Variants in ABTB3 observed in about 807,000 individuals in gnomAD.
ABTB3 encodes the protein ankyrin repeat- and BTB/POZ domain-containing protein 3.
chr12:107,432,091 C>T, the ABTB3 span, among the ~76,000 whole-genome samples: 3 of 152,328 alleles, frequency 2.0e-5, no homozygotes, highest in East Asian at 5.8e-4. Context: ...AGCCCACAGC[C>T]ACAGGGCCAT....
At chr12:107,443,324 T>C in the ABTB3 span, among the ~76,000 whole-genome samples, 1 of 151,958 alleles carries the variant, frequency 6.6e-6, no homozygotes. Flanking sequence ...TCCCAGCACT[T>C]TGGGGCGGTC....
the ABTB3 span, among the ~76,000 whole-genome samples, chr12:107,593,202 GA>G: frequency 6.6e-6 from 1 of 152,130 alleles, no homozygotes; most frequent in Non-Finnish European, 1.5e-5. Flanking sequence ...AGTTGTGTGG[GA>G]AAACAGCCCC....
At chr12:107,570,317 C>T in the ABTB3 span, among the ~76,000 whole-genome samples, 4 of 152,266 alleles carry the variant, frequency 2.6e-5, no homozygotes, top group Admixed American at 6.5e-5. Context: ...CGGGTTCAAG[C>T]GATTCTCGTG....
chr12:107,468,807 TA>T, the ABTB3 span, among the ~76,000 whole-genome samples: 1 of 152,108 alleles, frequency 6.6e-6, no homozygotes, highest in African/African-American at 2.4e-5. Flanking sequence ...GAGCAGGATA[TA>T]GGGGCAGAAA....
chr12:107,460,603 G>A, the ABTB3 span, among the ~76,000 whole-genome samples: 115 of 152,034 alleles, frequency 7.6e-4, no homozygotes, highest in Non-Finnish European at 1.0e-3. Flanking sequence ...AAGTGGCAGT[G>A]AGCCGAGATC....
chr12:107,319,410 G>A, the ABTB3 span: 1 of 1,603,554 alleles, frequency 6.2e-7, no homozygotes. Flanking sequence ...TTCGCCAAGT[G>A]CACCAAGTAC....
At chr12:107,485,321 G>A in the ABTB3 span, among the ~76,000 whole-genome samples, 2 of 152,228 alleles carry the variant, frequency 1.3e-5, no homozygotes, top group East Asian at 3.9e-4. Context: ...CCTGAGCTAA[G>A]AAAAGAGAAC....
the ABTB3 span, among the ~76,000 whole-genome samples, chr12:107,516,552 T>C: frequency 6.6e-6 from 1 of 152,294 alleles, no homozygotes; most frequent in Non-Finnish European, 1.5e-5. Context: ...TTATTCATTA[T>C]TTATTTATCC....
chr12:107,443,152 C>T, the ABTB3 span, among the ~76,000 whole-genome samples: 17 of 152,188 alleles, frequency 1.1e-4, no homozygotes, highest in Admixed American at 2.6e-4. Flanking sequence ...TTGGGGAGGA[C>T]ATGACATTTA....
the ABTB3 span, among the ~76,000 whole-genome samples, chr12:107,545,077 C>G: frequency 6.6e-6 from 1 of 152,162 alleles, no homozygotes; most frequent in East Asian, 1.9e-4. Flanking sequence ...CTTTCTGTTA[C>G]TTGGTGCCAA....
the ABTB3 span, among the ~76,000 whole-genome samples, chr12:107,536,379 A>G: frequency 1.3e-5 from 2 of 152,204 alleles, no homozygotes; most frequent in African/African-American, 4.8e-5. Context: ...AAAACCAAAA[A>G]TAGATAAATG....
the ABTB3 span, among the ~76,000 whole-genome samples, chr12:107,470,448 T>A: frequency 2.0e-5 from 3 of 152,074 alleles, no homozygotes; most frequent in African/African-American, 4.8e-5. Flanking sequence ...CCAGGGAACA[T>A]TGAGAGCCTA....
chr12:107,323,593 A>T, the ABTB3 span, among the ~76,000 whole-genome samples: 1 of 152,220 alleles, frequency 6.6e-6, no homozygotes, highest in Non-Finnish European at 1.5e-5. Context: ...AGTTTTAAAA[A>T]TTTGACTTGA....
the ABTB3 span, among the ~76,000 whole-genome samples, chr12:107,329,474 T>C: frequency 6.6e-6 from 1 of 152,236 alleles, no homozygotes; most frequent in African/African-American, 2.4e-5. Flanking sequence ...TCAATATCTG[T>C]TAATAATCAT....
the ABTB3 span, among the ~76,000 whole-genome samples, chr12:107,400,259 G>A: frequency 1.3e-5 from 2 of 152,012 alleles, no homozygotes; most frequent in South Asian, 2.1e-4. Flanking sequence ...TAACTTACTC[G>A]ATGATATGTA....
chr12:107,505,270 G>A, the ABTB3 span, among the ~76,000 whole-genome samples: 4 of 151,958 alleles, frequency 2.6e-5, no homozygotes, highest in Admixed American at 6.6e-5. Flanking sequence ...TAAAAAAATA[G>A]CCTCGAAATA....
At chr12:107,556,467 C>T in the ABTB3 span, among the ~76,000 whole-genome samples, 2 of 152,156 alleles carry the variant, frequency 1.3e-5, no homozygotes, top group African/African-American at 4.8e-5. Context: ...ATATAGCTAT[C>T]ACCAGGCAGA....
the ABTB3 span, among the ~76,000 whole-genome samples, chr12:107,352,689 T>G: frequency 1.3e-5 from 2 of 152,124 alleles, no homozygotes; most frequent in Non-Finnish European, 2.9e-5. Flanking sequence ...ATCAGGAGAA[T>G]GATGTGATCA....
At chr12:107,413,142 T>C in the ABTB3 span, among the ~76,000 whole-genome samples, 2 of 151,796 alleles carry the variant, frequency 1.3e-5, no homozygotes, top group East Asian at 1.9e-4. Context: ...GGCGTGGTGG[T>C]GGGCGCCTGT....
Sources: allele counts gnomAD v4.1 joint callset (sites outside exome capture counted in the v4.1 genomes callset), GRCh38; gene constraint gnomAD v4.1.1; transcripts MANE v1.5; gene names NCBI Gene and HGNC (gene_info 2026-07-23, HGNC 2026-07-21).